PROCR: variants seen among roughly 807,000 people sequenced by gnomAD.
The protein encoded by PROCR is protein C receptor.
A neutral mutation model predicts 24.2 loss-of-function variants in PROCR; 22 were observed. That is an observed-to-expected ratio of 0.91 (90% CI 0.65 to 1.30). The LOEUF (loss-of-function observed/expected upper bound fraction) is 1.30. Among genes scored for constraint, PROCR ranks in the 50% most tolerant of loss-of-function variants. PROCR has a pLI of 0.00. For missense variants in PROCR, 288 were observed against 307.7 expected (o/e 0.94, Z 0.48); for synonymous variants, 137 against 139.2 (o/e 0.98, Z 0.11).
chr20:35,176,519 G>C (rs2086020377), intron 3 of PROCR, 73 bp downstream of exon 3: 12 of 1,602,820 alleles, frequency 7.5e-6, no homozygotes, highest in Non-Finnish European at 1.0e-5. Context: ...GGACCTGAAG[G>C]ATGGATGCCT....
At chr20:35,173,739 G>A (rs1208635469) in intron 1 of PROCR, among the ~76,000 whole-genome samples, 2 of 152,090 alleles carry the variant, frequency 1.3e-5, no homozygotes, top group Non-Finnish European at 2.9e-5. Flanking sequence ...CTCTGAGCTG[G>A]GTCTTAAATC....
At chr20:35,214,519 T>C (rs1411314738) in intron 1 of PROCR, among the ~76,000 whole-genome samples, 1 of 151,794 alleles carries the variant, frequency 6.6e-6, no homozygotes. Flanking sequence ...ACCCTGCCTC[T>C]ACTAAAAAAA....
intron 1 of PROCR, among the ~76,000 whole-genome samples, chr20:35,209,975 C>G (rs1330636535): frequency 6.6e-6 from 1 of 152,154 alleles, no homozygotes; most frequent in Non-Finnish European, 1.5e-5. Context: ...GCCTGTAATC[C>G]AAATGTTTTG....
At chr20:35,191,032 A>T (rs1197913101) in intron 1 of PROCR, among the ~76,000 whole-genome samples, 1 of 151,862 alleles carries the variant, frequency 6.6e-6, no homozygotes, top group East Asian at 1.9e-4. Context: ...GCTAATTTTC[A>T]TATTTTTAGT....
At position 35,174,943 on chromosome 20, in the gene PROCR, G is replaced by A. The variant is rs768163594; in HGVS notation, c.312G>A (p.Arg104=). The change falls in exon 2 of 4, where the codon CGG becomes CGA. Residue 104 remains arginine, a synonymous_variant. Coordinates refer to ENST00000216968, the MANE Select transcript of PROCR (RefSeq NM_006404.5). ...TCGTGCGCCTGGTGCACCAGGAGCG[G>A]ACCTTGGCCTGTGAGTAGGCGCGCA... is the stretch of plus-strand genomic sequence containing the variant. ...HGLVRLVHQE[R]TLAFPLTIRC... is the part of the protein sequence containing the mutation. 6 of 1,411,998 alleles carry A rather than the reference G, an allele frequency of 4.2e-6. No homozygotes were observed. Among genetic ancestry groups the A allele is most frequent in the Non-Finnish European group, 5.7e-6 (6 of 1,059,372 alleles). The allele number at this position is 1,411,998 out of a possible 1,614,324, so 87.5% of individuals were successfully genotyped here.
intron 1 of PROCR, among the ~76,000 whole-genome samples, chr20:35,198,207 G>C (rs1440807830): frequency 6.6e-6 from 1 of 151,916 alleles, no homozygotes; most frequent in Non-Finnish European, 1.5e-5. Context: ...CAGGAGAATG[G>C]CGTGAACCAG....
At chr20:35,212,205 A>G (rs899327990) in intron 1 of PROCR, among the ~76,000 whole-genome samples, 3 of 152,148 alleles carry the variant, frequency 2.0e-5, no homozygotes, top group Non-Finnish European at 4.4e-5. Context: ...CGTGTAGTAC[A>G]TCATAGAGAA....
chr20:35,198,979 G>T (rs1832889051), intron 1 of PROCR, among the ~76,000 whole-genome samples: 1 of 152,158 alleles, frequency 6.6e-6, no homozygotes, highest in Non-Finnish European at 1.5e-5. Flanking sequence ...CTCCCAAAGT[G>T]CTGGGATTAC....
At chr20:35,194,779 C>T (rs867554807) in intron 1 of PROCR, among the ~76,000 whole-genome samples, 2 of 53,044 alleles carry the variant, frequency 3.8e-5, no homozygotes, top group African/African-American at 1.5e-4. Flanking sequence ...TGAACTGACA[C>T]TGCAACCACC....
intron 1 of PROCR, among the ~76,000 whole-genome samples, chr20:35,206,349 C>T (rs1216494158): frequency 6.6e-6 from 1 of 151,764 alleles, no homozygotes; most frequent in Non-Finnish European, 1.5e-5. Context: ...GTGGCAGGCA[C>T]CTGTAATCCC....
At chr20:35,183,421 A>G (rs1021256780) in intron 1 of PROCR, among the ~76,000 whole-genome samples, 6 of 152,104 alleles carry the variant, frequency 3.9e-5, no homozygotes, top group African/African-American at 1.4e-4. Flanking sequence ...GTCTCATCTT[A>G]TATGCCTGCT....
At chr20:35,184,711 A>C (rs898957444) in intron 1 of PROCR, among the ~76,000 whole-genome samples, 6 of 152,190 alleles carry the variant, frequency 3.9e-5, no homozygotes, top group Non-Finnish European at 8.8e-5. Flanking sequence ...CTGTCACAAA[A>C]AAGAAAAAAA....
Position 35,215,963 on chromosome 20 carries a change from C to T in PROCR, c.*60C>T, listed in dbSNP as rs541885099. ...CTGTAATCCCAGCACTTTGGGAGGCCGAGGCAGGAGGATCACTTGAGGTTG... is the reference window on the plus strand; with the variant it reads ...CTGTAATCCCAGCACTTTGGGAGGCTGAGGCAGGAGGATCACTTGAGGTTG... On this transcript the variant is annotated 3_prime_UTR_variant, in exon 2 of 2. Coordinates refer to the PROCR transcript ENST00000634509. 2.4e-5 allele frequency: 19 copies of T among 788,058 alleles called. No homozygotes were observed. In the South Asian group the frequency reaches 4.6e-4, roughly 19 times the overall value. The allele number at this position is 788,058 out of a possible 1,614,324, so 48.8% of individuals were successfully genotyped here. A position where few individuals can be genotyped will look rare whatever the true frequency, so the allele number is the denominator to read the frequency against.
At chr20:35,193,588 A>G (rs2086192098) in intron 1 of PROCR, among the ~76,000 whole-genome samples, 1 of 152,212 alleles carries the variant, frequency 6.6e-6, no homozygotes, top group South Asian at 2.1e-4. Flanking sequence ...ATGCCTCAAT[A>G]AAGTTTACAT....
In PROCR at chr20:35,202,833, C is replaced by T. The variant is rs2060323874; in HGVS notation, c.95-13060C>T. 7 of 152,238 alleles carry T rather than the reference C, an allele frequency of 4.6e-5. No individual in the cohort carries two copies. In the South Asian group the frequency reaches 1.5e-3, roughly 32 times the overall value. The allele number at this position is 152,238 out of a possible 1,614,324, so 9.4% of individuals were successfully genotyped here. A position where few individuals can be genotyped will look rare whatever the true frequency, so the allele number is the denominator to read the frequency against. ...AAAAGGATATATAAAACCTGGATAA[C>T]ATTATCAACTGGTTTAATATAACGG... On this transcript the variant is annotated intron_variant, in intron 1 of 1. Transcript: ENST00000634509.
In PROCR at chr20:35,198,130, A is replaced by G. The variant is rs2060305526; in HGVS notation, c.95-17763A>G. Among the ~76,000 whole-genome samples the G allele has an allele frequency of 3.3e-5, 5 of 151,938 alleles. No individual in the cohort carries two copies. In the South Asian group the frequency reaches 1.0e-3, roughly 32 times the overall value. On this transcript the variant is annotated intron_variant, in intron 1 of 1. Coordinates refer to the PROCR transcript ENST00000634509. ...AAACCCCATCTCTACTAAAAAAAAA[A>G]AAATACAAAAAATTAGCTGGGCATA...
chr20:35,182,691 T>C lies in PROCR; in HGVS notation c.94+6245T>C, dbSNP rs112410448. ...ACACACAAATAAAAATGTGATGTTA[T>C]GTGGCCGGGCATGGTGGCTCACGCC... On this transcript the variant is annotated intron_variant, in intron 1 of 1. Coordinates refer to the PROCR transcript ENST00000634509. Among the ~76,000 whole-genome samples, 291 of 152,216 alleles carry C rather than the reference T, an allele frequency of 1.9e-3. 1 individual carries two copies. The highest frequency in any genetic ancestry group is 6.6e-3 in the African/African-American group (275 of 41,554).
Position 35,172,108 on chromosome 20 carries a change from G to T in PROCR, c.-47G>T, listed in dbSNP as rs2085956497. The T allele has an allele frequency of 1.3e-6, 2 of 1,594,070 alleles. No individual in the cohort carries two copies. Among genetic ancestry groups the T allele is most frequent in the Non-Finnish European group, 8.6e-7 (1 of 1,162,024 alleles). Reference sequence around the variant, plus strand: ...CCCTAGACTGCAGCCAGCGGAGCCCGCAGCCGGCCCGAGCCAGGAACCCAG... The same window carrying T: ...CCCTAGACTGCAGCCAGCGGAGCCCTCAGCCGGCCCGAGCCAGGAACCCAG... On this transcript the variant is annotated 5_prime_UTR_variant, in exon 1 of 4. Transcript: ENST00000216968.
intron 1 of PROCR, among the ~76,000 whole-genome samples, chr20:35,209,024 A>G (rs552121079): frequency 1.3e-5 from 2 of 152,322 alleles, no homozygotes; most frequent in Non-Finnish European, 2.9e-5. Flanking sequence ...GCCAGAAATA[A>G]GCAGGTATTG....
Sources: allele counts gnomAD v4.1 joint callset (sites outside exome capture counted in the v4.1 genomes callset), GRCh38; gene constraint gnomAD v4.1.1; transcripts MANE v1.5; gene names NCBI Gene and HGNC (gene_info 2026-07-23, HGNC 2026-07-21).